CORIN: variants seen among roughly 807,000 people sequenced by gnomAD.
The protein encoded by CORIN is corin, serine peptidase.
CORIN carries 117 observed loss-of-function variants against 125.3 expected under a neutral mutation model. The observed-to-expected ratio is 0.93, with a 90% CI of 0.80 to 1.09. The LOEUF (loss-of-function observed/expected upper bound fraction) is 1.09, where lower values mean the gene tolerates loss of function less well. Ranked by LOEUF, CORIN falls within the 50% of genes least tolerant of loss-of-function variation. CORIN has a pLI of 0.00. For missense variants in CORIN, 1,253 were observed against 1,306.7 expected (o/e 0.96, Z 0.63); for synonymous variants, 450 against 466.4 (o/e 0.96, Z 0.45).
intron 1 of CORIN, among the ~76,000 whole-genome samples, chr4:47,834,217 A>G (rs977515156): frequency 3.9e-5 from 6 of 152,190 alleles, no homozygotes; most frequent in African/African-American, 1.4e-4. Flanking sequence ...ATAAAGAAAA[A>G]TGGGGTATAT....
chr4:47,693,569 CA>C (rs1341758642), intron 5 of CORIN, among the ~76,000 whole-genome samples: 2 of 152,084 alleles, frequency 1.3e-5, no homozygotes, highest in Non-Finnish European at 2.9e-5. Flanking sequence ...TGTGTTTGAA[CA>C]TAGCATAGAG....
At chr4:47,807,710 C>T (rs528229966) in intron 1 of CORIN, among the ~76,000 whole-genome samples, 1 of 152,146 alleles carries the variant, frequency 6.6e-6, no homozygotes, top group East Asian at 1.9e-4. Flanking sequence ...GCAACAACGA[C>T]GGTTCAGATA....
chr4:47,780,884 T>A (rs1003989535), intron 3 of CORIN, among the ~76,000 whole-genome samples: 2 of 151,736 alleles, frequency 1.3e-5, no homozygotes, highest in African/African-American at 2.4e-5. Flanking sequence ...ATAAAATAGC[T>A]ATCGAATATA....
At chr4:47,681,117 TAGA>T (rs1725257822) in intron 7 of CORIN, 1 of 152,226 alleles carries the variant, frequency 6.6e-6, no homozygotes, top group African/African-American at 2.4e-5. Context: ...AGCAGTGTTT[TAGA>T]AGATGTATGT....
chr4:47,636,977 G>A (rs1723050424), intron 16 of CORIN, among the ~76,000 whole-genome samples: 1 of 152,312 alleles, frequency 6.6e-6, no homozygotes, highest in African/African-American at 2.4e-5. Flanking sequence ...GAACTCCCTA[G>A]AAACTAGTTG....
intron 10 of CORIN, among the ~76,000 whole-genome samples, chr4:47,668,095 T>G (rs1447708186): frequency 1.3e-5 from 2 of 152,236 alleles, no homozygotes; most frequent in African/African-American, 4.8e-5. Flanking sequence ...CTGACCATGA[T>G]GGCAACCTCA....
chr4:47,613,958 T>TA lies in CORIN; in HGVS notation c.2540+9612dup, dbSNP rs202186560. Reference sequence around the variant, plus strand: ...ATGTACCCTAAAACTTAAAGTATAATAAAAAAAAAAAAGAAATCAAAGTAA... The same window carrying TA: ...ATGTACCCTAAAACTTAAAGTATAATAAAAAAAAAAAAAGAAATCAAAGTAA... On this transcript the variant is annotated intron_variant, in intron 19 of 21. Coordinates refer to ENST00000273857, the MANE Select transcript of CORIN (RefSeq NM_006587.4). Among the ~76,000 whole-genome samples the TA allele has an allele frequency of 8.4e-3, 1,227 of 145,218 alleles. 13 individuals are homozygous for TA. The highest frequency in any genetic ancestry group is 0.014 in the African/African-American group (551 of 40,134).
chr4:47,829,367 CCCTTCTGGA>C (rs758759442), intron 1 of CORIN, among the ~76,000 whole-genome samples: 8 of 151,966 alleles, frequency 5.3e-5, no homozygotes, highest in Non-Finnish European at 8.8e-5. Context: ...TGGGGCAGGA[CCCTTCTGGA>C]CCTTCTGGAC....
At chr4:47,718,899 T>C (rs1159174739) in intron 5 of CORIN, among the ~76,000 whole-genome samples, 1 of 152,248 alleles carries the variant, frequency 6.6e-6, no homozygotes, top group African/African-American at 2.4e-5. Flanking sequence ...ACAGTTGTCA[T>C]CAGAACTGCT....
At chr4:47,688,312 T>G (rs919425044) in intron 6 of CORIN, among the ~76,000 whole-genome samples, 1 of 152,150 alleles carries the variant, frequency 6.6e-6, no homozygotes, top group Non-Finnish European at 1.5e-5. Flanking sequence ...TAAAATACCA[T>G]ATTTAGGCTG....
intron 5 of CORIN, among the ~76,000 whole-genome samples, chr4:47,701,696 T>C (rs1726300530): frequency 1.3e-5 from 2 of 151,996 alleles, no homozygotes; most frequent in Admixed American, 1.3e-4. Context: ...AAAGTTTTTT[T>C]TAAAAGGCAG....
At chr4:47,727,759 A>G (rs1269027286) in intron 5 of CORIN, among the ~76,000 whole-genome samples, 1 of 152,156 alleles carries the variant, frequency 6.6e-6, no homozygotes, top group East Asian at 1.9e-4. Context: ...TCAAGGCACT[A>G]TGGGATTTAG....
intron 19 of CORIN, among the ~76,000 whole-genome samples, chr4:47,613,865 G>T: frequency 6.6e-6 from 1 of 150,670 alleles, no homozygotes; most frequent in Non-Finnish European, 1.5e-5. Context: ...GCTAGATGAC[G>T]AGTTAGTGGG....
intron 5 of CORIN, among the ~76,000 whole-genome samples, 165 bp downstream of exon 5, chr4:47,744,237 G>C (rs535766303): frequency 6.7e-6 from 1 of 149,878 alleles, no homozygotes; most frequent in South Asian, 2.1e-4. Context: ...GGCATTTCTG[G>C]GGATGTTGTT....
chr4:47,657,664 G>A lies in CORIN; in HGVS notation c.1736-4004C>T, dbSNP rs142927771. Among the ~76,000 whole-genome samples, 617 of 152,136 alleles carry A rather than the reference G, an allele frequency of 4.1e-3. 18 individuals are homozygous for A. Among genetic ancestry groups the A allele is most frequent in the Admixed American group, 0.036 (548 of 15,278 alleles). On this transcript the variant is annotated intron_variant, in intron 12 of 21. Coordinates refer to ENST00000273857, the MANE Select transcript of CORIN (RefSeq NM_006587.4). ...TGCTTGGTTTCTAGGGAGGCCTCACGAAGCTTACAATCATGGCAGAAGGTG... is the reference window on the plus strand; with the variant it reads ...TGCTTGGTTTCTAGGGAGGCCTCACAAAGCTTACAATCATGGCAGAAGGTG...
chr4:47,694,080 C>T (rs1488915000), intron 5 of CORIN, among the ~76,000 whole-genome samples: 1 of 152,108 alleles, frequency 6.6e-6, no homozygotes, highest in Non-Finnish European at 1.5e-5. Flanking sequence ...ATGCAATATT[C>T]AGGGGCTAGT....
Position 47,623,598 on chromosome 4 carries a change from A to G in CORIN, c.2513T>C (p.Val838Ala), listed in dbSNP as rs1722425158. ...CGCVLIAKKW[V>A]LTVAHCFEGR... ...CTCGAAGCAGTGGGCAACTGTCAGA[A>G]CCCACTTCTTGGCAATGAGGACACA... is the stretch of plus-strand genomic sequence containing the variant. The change falls in exon 19 of 22, where the codon GTT (valine) becomes GCT (alanine). Residue 838 changes from valine to alanine, a missense_variant. Val to Ala is a moderately conservative substitution (Grantham distance 64). Transcript: ENST00000273857. The G allele has an allele frequency of 6.2e-7, 1 of 1,614,066 alleles. No homozygotes were observed. The highest frequency in any genetic ancestry group is 1.3e-5 in the African/African-American group (1 of 74,922).
intron 5 of CORIN, among the ~76,000 whole-genome samples, chr4:47,730,812 G>A (rs915721840): frequency 6.6e-6 from 1 of 152,234 alleles, no homozygotes. Flanking sequence ...GAGTGAGAGG[G>A]AAAGCCTTAG....
Position 47,677,919 on chromosome 4 carries a change from G to A in CORIN, c.1249+19C>T, listed in dbSNP as rs762372287. The A allele has an allele frequency of 5.9e-6, 9 of 1,524,922 alleles. No homozygotes were observed. The highest frequency in any genetic ancestry group is 7.3e-6 in the Non-Finnish European group (8 of 1,098,620). The allele number at this position is 1,524,922 out of a possible 1,614,324, so 94.5% of individuals were successfully genotyped here. The stretch of plus-strand genomic sequence containing the variant: ...GACCACCAGTAAAGGAATGTTCTGG[G>A]GTGGTGGGACACACTTACTGACGCT... On this transcript the variant is annotated intron_variant, in intron 9 of 21. Transcript: ENST00000273857.
Sources: allele counts gnomAD v4.1 joint callset (sites outside exome capture counted in the v4.1 genomes callset), GRCh38; gene constraint gnomAD v4.1.1; transcripts MANE v1.5; gene names NCBI Gene and HGNC (gene_info 2026-07-23, HGNC 2026-07-21).